SORL1: variants seen among roughly 807,000 people sequenced by gnomAD.
SORL1 encodes the protein sortilin-related receptor.
In SORL1, 127 loss-of-function variants were observed where a neutral mutation model predicts 273.7. The ratio of observed to expected loss-of-function variants is 0.46; its 90% confidence interval spans 0.40 to 0.54. SORL1 has a LOEUF of 0.54. Among genes scored for constraint, SORL1 ranks in the 20% least tolerant of loss-of-function variants. The pLI, the probability that SORL1 is intolerant of heterozygous loss-of-function variation, is 0.00. For missense variants in SORL1, 2,494 were observed against 2,846.1 expected, an observed-to-expected ratio of 0.88 and a Z score of 2.81; for synonymous variants, 1,031 against 1,067.4, an observed-to-expected ratio of 0.97 and a Z score of 0.66.
chr11:121,547,726 T>C lies in SORL1; in HGVS notation c.2052-2234T>C, dbSNP rs1862455116. 2.0e-5 allele frequency among the ~76,000 whole-genome samples: 3 copies of C among 152,018 alleles called. No individual in the cohort carries two copies. In the South Asian group the frequency reaches 6.2e-4, roughly 31 times the overall value. ...TTCCCCGCTCCACCCCTCCCAATTG[T>C]TTCTCTGCTTGCTGTAGCTGCTGGA... On this transcript the variant is annotated intron_variant, in intron 14 of 47. Coordinates refer to ENST00000260197, the MANE Select transcript of SORL1 (RefSeq NM_003105.6).
chr11:121,573,322 G>C (rs1418931062), intron 23 of SORL1, among the ~76,000 whole-genome samples: 2 of 152,154 alleles, frequency 1.3e-5, no homozygotes, highest in African/African-American at 4.8e-5. Flanking sequence ...TTCAAATCTA[G>C]TCTTTCTGGC....
chr11:121,530,406 T>G (rs1468122597), intron 11 of SORL1, among the ~76,000 whole-genome samples: 1 of 152,230 alleles, frequency 6.6e-6, no homozygotes, highest in African/African-American at 2.4e-5. Flanking sequence ...GAAGGATATG[T>G]TTATTGGATA....
chr11:121,499,994 A>G (rs1053475626), intron 6 of SORL1, among the ~76,000 whole-genome samples: 6 of 152,132 alleles, frequency 3.9e-5, no homozygotes, highest in Admixed American at 3.3e-4. Context: ...ACCTCCTGGT[A>G]CCCTGTTGGC....
intron 25 of SORL1, 120 bp from the exon 26 acceptor site, chr11:121,583,338 C>T (rs1863039691): frequency 8.5e-7 from 1 of 1,178,024 alleles, no homozygotes; most frequent in East Asian, 3.0e-5. Flanking sequence ...AACCCAGATG[C>T]TCCCACAGTT....
chr11:121,597,207 G>A (rs551820981), intron 32 of SORL1, among the ~76,000 whole-genome samples: 10 of 152,284 alleles, frequency 6.6e-5, no homozygotes, highest in Middle Eastern at 3.4e-3. Flanking sequence ...AGAGGGAGTC[G>A]GCCGTCCCTT....
chr11:121,548,021 C>G (rs1238690061), intron 14 of SORL1, among the ~76,000 whole-genome samples: 2 of 152,158 alleles, frequency 1.3e-5, no homozygotes, highest in Non-Finnish European at 2.9e-5. Flanking sequence ...TCTTATATTT[C>G]TCGACATTGC....
intron 13 of SORL1, among the ~76,000 whole-genome samples, chr11:121,544,767 C>T (rs1287651180): frequency 6.6e-6 from 1 of 152,216 alleles, no homozygotes. Flanking sequence ...TTTCCAGCCT[C>T]TTTCCATGGA....
At chr11:121,608,443 C>T (rs1442709256) in intron 38 of SORL1, 2 of 407,110 alleles carry the variant, frequency 4.9e-6, no homozygotes, top group Admixed American at 4.1e-5. Flanking sequence ...TCATGCGCAG[C>T]CCTTTGTGAG....
In SORL1 at chr11:121,606,145, G is replaced by C. The variant is rs151100371; in HGVS notation, c.4948+574G>C. On this transcript the variant is annotated intron_variant, in intron 35 of 47. Transcript: ENST00000260197. Reference sequence around the variant, plus strand: ...GCCGTGTTACCTAGGCTGGTCTTGAGCTACTGAGCTCAAGCAATCCACCTA... The same window carrying C: ...GCCGTGTTACCTAGGCTGGTCTTGACCTACTGAGCTCAAGCAATCCACCTA... Among the ~76,000 whole-genome samples, 6 of 152,220 alleles carry C rather than the reference G, an allele frequency of 3.9e-5. No individual in the cohort carries two copies. In the East Asian group the frequency reaches 1.2e-3, roughly 29 times the overall value.
intron 38 of SORL1, 153 bp downstream of exon 38, chr11:121,608,329 G>A (rs1863510264): frequency 1.2e-5 from 8 of 652,330 alleles, no homozygotes; most frequent in Non-Finnish European, 8.0e-6. Context: ...GGGTGTCTCT[G>A]TAGTGCTTTA....
chr11:121,572,733 T>C (rs1164784799), intron 23 of SORL1, among the ~76,000 whole-genome samples: 1 of 151,650 alleles, frequency 6.6e-6, no homozygotes, highest in Non-Finnish European at 1.5e-5. Flanking sequence ...TGCAGGAGGG[T>C]GTTGTCAGTG....
At chr11:121,476,692 TTCCCTCCC>T (rs942042494) in intron 2 of SORL1, among the ~76,000 whole-genome samples, 1 of 150,146 alleles carries the variant, frequency 6.7e-6, no homozygotes, top group Non-Finnish European at 1.5e-5. Flanking sequence ...CTGCCCTTCC[TTCCCTCCC>T]TCCCTTCCTC....
At chr11:121,455,457 A>G (rs1860887124) in intron 1 of SORL1, among the ~76,000 whole-genome samples, 3 of 152,228 alleles carry the variant, frequency 2.0e-5, no homozygotes, top group Non-Finnish European at 4.4e-5. Context: ...TTCAGGGAGA[A>G]GAGAAGGGAA....
intron 1 of SORL1, among the ~76,000 whole-genome samples, chr11:121,460,911 C>T (rs1860989063): frequency 6.6e-6 from 1 of 152,096 alleles, no homozygotes; most frequent in African/African-American, 2.4e-5. Context: ...CCAGGAGACA[C>T]ATGCGAGACA....
chr11:121,521,322 A>G (rs2134856444), intron 9 of SORL1, among the ~76,000 whole-genome samples: 1 of 152,312 alleles, frequency 6.6e-6, no homozygotes, highest in South Asian at 2.1e-4. Flanking sequence ...GCAGCCTATA[A>G]ATGGATATAG....
At chr11:121,465,908 A>G (rs1332731512) in intron 1 of SORL1, among the ~76,000 whole-genome samples, 1 of 151,970 alleles carries the variant, frequency 6.6e-6, no homozygotes, top group African/African-American at 2.4e-5. Context: ...GGGGCCTCTT[A>G]GGTGATTCTG....
At position 121,627,439 on chromosome 11, in the gene SORL1, G is replaced by C; in HGVS notation, c.6365-116G>C. On this transcript the variant is annotated intron_variant, in intron 46 of 47. Coordinates refer to ENST00000260197, the MANE Select transcript of SORL1 (RefSeq NM_003105.6). This position sits in a 1 kb window ranked among gnomAD's most constrained non-coding sequence, Gnocchi z 4.9. ...AGAAACGTCTCACACCAGACAGGCA[G>C]TTTGTGTAGCTGTGGCTATCGCCCA... is the stretch of plus-strand genomic sequence containing the variant. 1 of 785,436 alleles carries C rather than the reference G, an allele frequency of 1.3e-6. No individual in the cohort carries two copies. The allele number at this position is 785,436 out of a possible 1,614,324, so 48.7% of individuals were successfully genotyped here.
Position 121,452,949 on chromosome 11 carries a change from T to G in SORL1, c.285+333T>G, listed in dbSNP as rs1041422786. On this transcript the variant is annotated intron_variant, in intron 1 of 47. Coordinates refer to ENST00000260197, the MANE Select transcript of SORL1 (RefSeq NM_003105.6). The surrounding 1 kb of genome is among the most constrained non-coding windows in gnomAD (Gnocchi z 5.3). The stretch of plus-strand genomic sequence containing the variant: ...TGGATAAAAAACGGGCTTTCTTTAG[T>G]GTATCATCAGTTGGCAGTGGAGGCG... 7.9e-6 allele frequency: 2 copies of G among 254,038 alleles called. No individual in the cohort carries two copies. Among genetic ancestry groups the G allele is most frequent in the Non-Finnish European group, 1.5e-5 (2 of 133,694 alleles). 15.7% of individuals were successfully genotyped at this position (254,038 alleles called of 1,614,324 possible).
chr11:121,605,820 A>G (rs1357673245), intron 35 of SORL1, among the ~76,000 whole-genome samples: 4 of 152,128 alleles, frequency 2.6e-5, no homozygotes, highest in African/African-American at 7.2e-5. Flanking sequence ...TTTTTTGTCT[A>G]GTTTCTACCT....
Sources: allele counts gnomAD v4.1 joint callset (sites outside exome capture counted in the v4.1 genomes callset), GRCh38; gene constraint gnomAD v4.1.1; non-coding constraint Gnocchi (gnomAD v3.1); transcripts MANE v1.5; gene names NCBI Gene and HGNC (gene_info 2026-07-23, HGNC 2026-07-21).